The following OR2AT4 variants were observed in gnomAD, a reference collection of about 807,000 sequenced individuals.
OR2AT4 encodes the protein olfactory receptor family 2 subfamily AT member 4, also known as olfactory receptor 2AT4.
OR2AT4 carries 6 observed loss-of-function variants against 10.3 expected under a neutral mutation model. The observed-to-expected ratio is 0.58, with a 90% confidence interval of 0.32 to 1.15. OR2AT4 has a LOEUF of 1.15. Among genes scored for constraint, OR2AT4 ranks in the 50% most tolerant of loss-of-function variants. OR2AT4 has a pLI of 0.05. For missense variants in OR2AT4, 354 were observed against 393.8 expected, an observed-to-expected ratio of 0.90 and a Z score of 0.85; for synonymous variants, 145 against 159.1, an observed-to-expected ratio of 0.91 and a Z score of 0.67.
At chr11:75,093,387 G>C (rs1471773048) in intron 1 of OR2AT4, among the ~76,000 whole-genome samples, 1 of 152,256 alleles carries the variant, frequency 6.6e-6, no homozygotes, top group African/African-American at 2.4e-5. Context: ...AAACTTGGGA[G>C]TCTTGGGAGC....
chr11:75,087,722 T>A (rs7117575), exon 2 of OR2AT4: 77,426 of 152,164 alleles, frequency 0.51, 23,010 homozygotes, highest in African/African-American at 0.83. Flanking sequence ...GTAATTTTCT[T>A]TGTGGTCATG....
chr11:75,096,225 G>C (rs1349309584), intron 1 of OR2AT4: 1 of 152,180 alleles, frequency 6.6e-6, no homozygotes, highest in African/African-American at 2.4e-5. Context: ...TATCTACTCT[G>C]TGTTTAGATA....
chr11:75,090,266 C>T (rs563993464), exon 2 of OR2AT4: 1 of 154,992 alleles, frequency 6.5e-6, no homozygotes, highest in East Asian at 1.9e-4. Flanking sequence ...GCTGTGTGTA[C>T]TATGCAGCTG....
At chr11:75,084,176 A>G (rs1049345159) in exon 2 of OR2AT4, 20 of 152,190 alleles carry the variant, frequency 1.3e-4, no homozygotes, top group African/African-American at 4.8e-4. Flanking sequence ...AAAGATGGCA[A>G]CAATAGACAC....
At chr11:75,092,042 G>A (rs368979668) in intron 1 of OR2AT4, among the ~76,000 whole-genome samples, 11 of 152,240 alleles carry the variant, frequency 7.2e-5, no homozygotes, top group African/African-American at 2.4e-4. Flanking sequence ...TGACAAGTAA[G>A]AAAAAGACAG....
chr11:75,088,341 A>C (rs1949299643), exon 2 of OR2AT4: 1 of 153,872 alleles, frequency 6.5e-6, no homozygotes, highest in Admixed American at 6.5e-5. Context: ...TGATTAAGTG[A>C]AAAATAACAT....
chr11:75,089,029 A>T, exon 2 of OR2AT4: 1 of 1,614,174 alleles, frequency 6.2e-7, no homozygotes. Flanking sequence ...CGAAGCACTG[A>T]GGCCAGGATG....
exon 2 of OR2AT4, chr11:75,088,523 A>T (rs926293155): frequency 8.3e-6 from 3 of 361,782 alleles, no homozygotes; most frequent in African/African-American, 6.3e-5. Flanking sequence ...TTTCCCTGTG[A>T]TACGTTTTTT....
chr11:75,085,391 C>T (rs991018660), exon 2 of OR2AT4: 2 of 151,904 alleles, frequency 1.3e-5, no homozygotes, highest in African/African-American at 4.8e-5. Context: ...AAGAAAATTC[C>T]AGGCCCTGGA....
exon 2 of OR2AT4, chr11:75,089,986 G>A: frequency 5.4e-6 from 2 of 372,128 alleles, no homozygotes; most frequent in Non-Finnish European, 9.6e-6. Flanking sequence ...TTGTTTAGGT[G>A]ATGAAGTGAT....
chr11:75,089,734 C>T, exon 2 of OR2AT4: 1 of 1,592,362 alleles, frequency 6.3e-7, no homozygotes, highest in Non-Finnish European at 8.5e-7. Context: ...AGCTGGATTT[C>T]TCAGAGATGG....
At chr11:75,089,937 T>C (rs1483492333) in exon 2 of OR2AT4, 3 of 509,778 alleles carry the variant, frequency 5.9e-6, no homozygotes, top group African/African-American at 5.7e-5. Flanking sequence ...TATTGATTAT[T>C]AATTAATTAA....
At chr11:75,095,760 C>A (rs1215244128) in intron 1 of OR2AT4, among the ~76,000 whole-genome samples, 1 of 150,806 alleles carries the variant, frequency 6.6e-6, no homozygotes, top group African/African-American at 2.4e-5. Context: ...TCACTGCAAC[C>A]TCTGCCTCCC....
In OR2AT4 at chr11:75,092,932, C is replaced by T. The variant is rs113958499; in HGVS notation, c.-651-2568G>A. 5.9e-4 allele frequency among the ~76,000 whole-genome samples: 90 copies of T among 151,872 alleles called. No homozygotes were observed. The East Asian group carries it at 0.015, about 26-fold the overall frequency. On this transcript the variant is annotated intron_variant, in intron 1 of 1. Transcript: ENST00000641504. ...CTGACCAACATGGTGAAACCTCGTCCGTACTAAAAATAGAAAAATTAGCTG... is the reference window on the plus strand; with the variant it reads ...CTGACCAACATGGTGAAACCTCGTCTGTACTAAAAATAGAAAAATTAGCTG...
At chr11:75,092,134 A>G (rs1949322907) in intron 1 of OR2AT4, among the ~76,000 whole-genome samples, 1 of 152,230 alleles carries the variant, frequency 6.6e-6, no homozygotes, top group Non-Finnish European at 1.5e-5. Context: ...CAATAAGCAT[A>G]TGAAAAAATT....
At chr11:75,088,584 T>A in exon 2 of OR2AT4, 1 of 681,282 alleles carries the variant, frequency 1.5e-6, no homozygotes, top group Non-Finnish European at 2.1e-6. Context: ...AAGATTTTTT[T>A]TTTATTTTAG....
intron 1 of OR2AT4, among the ~76,000 whole-genome samples, chr11:75,091,936 G>A (rs1482917038): frequency 6.6e-6 from 1 of 152,094 alleles, no homozygotes; most frequent in Non-Finnish European, 1.5e-5. Flanking sequence ...ACAATACAAA[G>A]AGAATAAGAA....
rs185644973 is a variant in OR2AT4 at position 75,085,341 on chromosome 11, A to G, written c.*3410T>C. 428 of 152,258 alleles carry G rather than the reference A, an allele frequency of 2.8e-3. 2 individuals are homozygous for G. Among genetic ancestry groups the G allele is most frequent in the African/African-American group, 9.8e-3 (408 of 41,582 alleles). The allele number at this position is 152,258 out of a possible 1,614,324, so 9.4% of individuals were successfully genotyped here. A position where few individuals can be genotyped will look rare whatever the true frequency, so the allele number is the denominator to read the frequency against. ...AAATAGATAATGGAAAAATTTCTAT[A>G]TCTATTAAATAGTTAATTTTGTAGT... On this transcript the variant is annotated 3_prime_UTR_variant, in exon 2 of 2. Coordinates refer to ENST00000641504, the Ensembl canonical transcript of OR2AT4.
exon 2 of OR2AT4, chr11:75,089,558 C>A: frequency 6.2e-7 from 1 of 1,614,092 alleles, no homozygotes; most frequent in Non-Finnish European, 8.5e-7. Flanking sequence ...CCACCACGGC[C>A]ACCAGGATCA....
Sources: gnomAD v4.1 joint callset for allele counts (sites outside exome capture counted in the v4.1 genomes callset) on GRCh38, gnomAD v4.1.1 for gene constraint, MANE v1.5 for transcripts, NCBI Gene and HGNC (gene_info 2026-07-23, HGNC 2026-07-21) for gene names.